SUMF1: variants seen among roughly 807,000 people sequenced by gnomAD.
SUMF1 encodes sulfatase modifying factor 1.
Under a neutral mutation model 47.6 loss-of-function variants are expected in SUMF1, and 48 were observed. The observed-to-expected ratio is 1.01, with a 90% confidence interval of 0.80 to 1.28. The LOEUF is 1.28. SUMF1 is among the 50% of genes most tolerant of loss of function. The probability of loss-of-function intolerance (pLI) is 0.00; values close to 1 mark genes in which losing one functional copy is unlikely to be tolerated. For missense variants in SUMF1, 571 were observed against 485.4 expected, an observed-to-expected ratio of 1.18 and a Z score of -1.66; for synonymous variants, 230 against 192.1, an observed-to-expected ratio of 1.20 and a Z score of -1.63.
At chr3:4,391,935 C>A (rs1307259524) in intron 7 of SUMF1, among the ~76,000 whole-genome samples, 1 of 151,610 alleles carries the variant, frequency 6.6e-6, no homozygotes, top group Non-Finnish European at 1.5e-5. Context: ...TTCAGGTGAT[C>A]CTGCCACCTC....
chr3:4,364,929 T>C (rs950634319), intron 8 of SUMF1, among the ~76,000 whole-genome samples: 90 of 151,326 alleles, frequency 5.9e-4, no homozygotes, highest in Non-Finnish European at 1.1e-3. Flanking sequence ...GTTGTGTCTT[T>C]GTTCTTGTTG....
At chr3:4,358,318 G>A (rs1420816084), downstream of SUMF1, among the ~76,000 whole-genome samples, 1 of 152,142 alleles carries the variant, frequency 6.6e-6, no homozygotes, top group African/African-American at 2.4e-5. Context: ...AATGGGGCAA[G>A]AAATGAGAAT....
At chr3:4,190,295 G>A (rs370372633) in intron 8 of SUMF1, among the ~76,000 whole-genome samples, 3 of 151,938 alleles carry the variant, frequency 2.0e-5, no homozygotes, top group Non-Finnish European at 2.9e-5. Context: ...GGAAACACGA[G>A]GGAAGCACAG....
At chr3:4,103,576 T>C (rs1693087551) in intron 8 of SUMF1, among the ~76,000 whole-genome samples, 1 of 152,114 alleles carries the variant, frequency 6.6e-6, no homozygotes, top group Admixed American at 6.5e-5. Flanking sequence ...TCATTAGTGA[T>C]TAGTGGTTTC....
intron 8 of SUMF1, among the ~76,000 whole-genome samples, chr3:4,224,060 G>A (rs545101209): frequency 2.0e-5 from 3 of 152,208 alleles, no homozygotes; most frequent in South Asian, 2.1e-4. Flanking sequence ...ACCAGGGGCC[G>A]GGGGTGGAGT....
intron 8 of SUMF1, chr3:4,312,842 T>C: frequency 6.6e-7 from 1 of 1,526,450 alleles, no homozygotes. Context: ...CTACTTGGAA[T>C]ATATAGGAAA....
At chr3:4,240,351 T>C (rs1321560370) in intron 8 of SUMF1, among the ~76,000 whole-genome samples, 1 of 152,126 alleles carries the variant, frequency 6.6e-6, no homozygotes, top group Non-Finnish European at 1.5e-5. Flanking sequence ...AACTCCTCTT[T>C]GTACCTCTGG....
intron 9 of SUMF1, among the ~76,000 whole-genome samples, chr3:4,059,980 G>A (rs906159407): frequency 5.9e-5 from 9 of 152,126 alleles, no homozygotes; most frequent in African/African-American, 2.2e-4. Context: ...AGAAGGTGCA[G>A]GAAGCCTGAG....
At chr3:4,418,178 A>G (rs1701778709) in intron 4 of SUMF1, 46 bp from the exon 5 acceptor site, 1 of 1,612,954 alleles carries the variant, frequency 6.2e-7, no homozygotes. Context: ...CAATCAGAAC[A>G]AGAAGCAGGA....
intron 8 of SUMF1, among the ~76,000 whole-genome samples, chr3:4,334,710 C>A (rs1699111542): frequency 6.6e-6 from 1 of 152,198 alleles, no homozygotes; most frequent in African/African-American, 2.4e-5. Flanking sequence ...GGAATCAAAC[C>A]CATGCAGTGG....
chr3:4,142,275 T>C (rs887958148), intron 8 of SUMF1, among the ~76,000 whole-genome samples: 2 of 152,160 alleles, frequency 1.3e-5, no homozygotes, highest in Admixed American at 6.5e-5. Flanking sequence ...TGAATTCACA[T>C]TGCTGCTTCC....
intron 8 of SUMF1, among the ~76,000 whole-genome samples, chr3:4,108,804 G>C (rs1693219593): frequency 6.6e-6 from 1 of 151,886 alleles, no homozygotes; most frequent in South Asian, 2.1e-4. Flanking sequence ...CCTTTATTTT[G>C]AGCCTATGTG....
At chr3:4,078,662 G>A (rs575706454) in intron 8 of SUMF1, among the ~76,000 whole-genome samples, 17 of 152,054 alleles carry the variant, frequency 1.1e-4, no homozygotes, top group Admixed American at 7.9e-4. Flanking sequence ...GGAGGCCACA[G>A]CAGGAGAATC....
chr3:4,112,927 A>T (rs1693342474), intron 8 of SUMF1, among the ~76,000 whole-genome samples: 1 of 152,144 alleles, frequency 6.6e-6, no homozygotes, highest in Non-Finnish European at 1.5e-5. Flanking sequence ...TCAAATACTG[A>T]ATGCCAGTCT....
intron 8 of SUMF1, among the ~76,000 whole-genome samples, chr3:4,189,345 T>C (rs888441042): frequency 6.6e-6 from 1 of 152,172 alleles, no homozygotes; most frequent in Non-Finnish European, 1.5e-5. Flanking sequence ...TTGTCCATTA[T>C]GGCAAAGTTG....
In SUMF1 at chr3:4,417,994, G is replaced by A. The variant is rs1701770185; in HGVS notation, c.725+16C>T. On this transcript the variant is annotated intron_variant, in intron 5 of 8. Transcript: ENST00000272902. ...TGACCAACATATTGTCAGGCAAAAT[G>A]AGATCCTCTAAATACCTATTATGCA... The A allele has an allele frequency of 6.2e-7, 1 of 1,613,648 alleles. No homozygotes were observed. Among genetic ancestry groups the A allele is most frequent in the Non-Finnish European group, 8.5e-7 (1 of 1,179,998 alleles).
At chr3:4,284,706 G>A (rs1697597491) in intron 8 of SUMF1, among the ~76,000 whole-genome samples, 2 of 151,416 alleles carry the variant, frequency 1.3e-5, no homozygotes, top group African/African-American at 4.9e-5. Flanking sequence ...TTCAAATCAG[G>A]AAAGGCAAAA....
At chr3:4,200,355 A>T (rs923089967) in intron 8 of SUMF1, among the ~76,000 whole-genome samples, 1 of 151,958 alleles carries the variant, frequency 6.6e-6, no homozygotes, top group Non-Finnish European at 1.5e-5. Context: ...TCTGCCTTCA[A>T]TGTGGGCAGG....
In SUMF1 at chr3:4,417,552, G is replaced by T. The variant is rs182673327; in HGVS notation, c.726-310C>A. 2.2e-4 allele frequency among the ~76,000 whole-genome samples: 33 copies of T among 152,344 alleles called. 1 individual carries two copies. In the East Asian group the frequency reaches 5.8e-3, roughly 27 times the overall value. ...CCTCATTTTGGACTTATATGGTAGT[G>T]TGATCAGGCACCACCACACCACACT... On this transcript the variant is annotated intron_variant, in intron 5 of 8. Coordinates refer to ENST00000272902, the MANE Select transcript of SUMF1 (RefSeq NM_182760.4).
Sources: allele counts gnomAD v4.1 joint callset (sites outside exome capture counted in the v4.1 genomes callset), GRCh38; gene constraint gnomAD v4.1.1; transcripts MANE v1.5; gene names NCBI Gene and HGNC (gene_info 2026-07-23, HGNC 2026-07-21).